The following MBD5 variants were observed in gnomAD, a reference collection of about 807,000 sequenced individuals.
MBD5 encodes the protein methyl-CpG binding domain protein 5, also known as methyl-CpG-binding domain protein 5.
In MBD5, 13 loss-of-function variants were observed where a neutral mutation model predicts 117.3. The observed-to-expected ratio is 0.11, with a 90% CI of 0.07 to 0.18. The LOEUF is 0.18. Among genes scored for constraint, MBD5 ranks in the 10% least tolerant of loss-of-function variants. The pLI is 1.00. For synonymous variants in MBD5, 727 were observed against 766.4 expected (o/e 0.95, Z 0.85); for missense variants, 1,879 against 2,093.8 (o/e 0.90, Z 2.00).
chr2:148,447,855 G>C (rs901561228), intron 4 of MBD5: 4 of 152,080 alleles, frequency 2.6e-5, no homozygotes, highest in African/African-American at 9.7e-5. Context: ...TGTAGGTAGG[G>C]TTTGGCCCAG....
At chr2:148,051,595 T>C (rs1694702575) in intron 1 of MBD5, among the ~76,000 whole-genome samples, 1 of 141,618 alleles carries the variant, frequency 7.1e-6, no homozygotes, top group African/African-American at 2.7e-5. Flanking sequence ...CCTTCTGTTC[T>C]GTTTGTTGAG....
chr2:148,373,869 T>G (rs1217105552), intron 4 of MBD5, among the ~76,000 whole-genome samples: 1 of 152,134 alleles, frequency 6.6e-6, no homozygotes, highest in Admixed American at 6.5e-5. Flanking sequence ...TTTCTTTCAG[T>G]GATGAATACA....
chr2:148,259,475 A>G (rs950145338), intron 3 of MBD5, among the ~76,000 whole-genome samples: 3 of 152,200 alleles, frequency 2.0e-5, no homozygotes, highest in Admixed American at 6.5e-5. Context: ...TGTTGTGGAT[A>G]CATGGCCGAC....
intron 3 of MBD5, among the ~76,000 whole-genome samples, chr2:148,282,549 A>G (rs1350343473): frequency 6.6e-6 from 1 of 151,706 alleles, no homozygotes; most frequent in Non-Finnish European, 1.5e-5. Context: ...AAAAATATGT[A>G]TATATATAAT....
At chr2:148,406,041 A>T (rs181482040) in intron 4 of MBD5, among the ~76,000 whole-genome samples, 1 of 152,258 alleles carries the variant, frequency 6.6e-6, no homozygotes, top group African/African-American at 2.4e-5. Flanking sequence ...ATTAATTAAT[A>T]AAAATTAGCC....
At chr2:148,079,835 C>T (rs919703703) in intron 1 of MBD5, among the ~76,000 whole-genome samples, 5 of 150,730 alleles carry the variant, frequency 3.3e-5, no homozygotes, top group Middle Eastern at 3.4e-3. Flanking sequence ...CCAGCCTAGG[C>T]GACAGAGGGA....
Position 148,485,847 on chromosome 2 carries a change from A to G in MBD5, c.3650A>G (p.Gln1217Arg), listed in dbSNP as rs1681321643. The change falls in exon 10 of 14, where the codon CAA (glutamine) becomes CGA (arginine). Residue 1217 changes from glutamine (Q) to arginine (R), a missense_variant. Around this residue, in one of 4 missense-constraint regions of MBD5, gnomAD observed 1,666 missense variants for 1,792.2 expected, o/e 0.93. Transcript: ENST00000642680. ...QMFPPNQQQQ[Q>R]LLQGYQNLQA... ...TTTCCTCCAAATCAGCAACAGCAGC[A>G]ACTTCTCCAGGGGTACCAGAATCTC... 1.9e-6 allele frequency: 3 copies of G among 1,614,178 alleles called. No homozygotes were observed. Among genetic ancestry groups the G allele is most frequent in the Non-Finnish European group, 8.5e-7 (1 of 1,180,008 alleles).
intron 3 of MBD5, among the ~76,000 whole-genome samples, chr2:148,314,269 A>C (rs564449877): frequency 1.3e-5 from 2 of 151,888 alleles, no homozygotes; most frequent in African/African-American, 4.8e-5. Context: ...GGCAAAAGGA[A>C]ATTTTTTTTT....
At chr2:148,379,284 C>T (rs1704069807) in intron 4 of MBD5, among the ~76,000 whole-genome samples, 1 of 151,806 alleles carries the variant, frequency 6.6e-6, no homozygotes, top group Admixed American at 6.6e-5. Context: ...CACAGATAAC[C>T]TGAAAAGAAA....
chr2:148,398,450 C>G (rs1374632579), intron 4 of MBD5, among the ~76,000 whole-genome samples: 1 of 152,052 alleles, frequency 6.6e-6, no homozygotes, highest in East Asian at 1.9e-4. Context: ...TAAATGTCTT[C>G]TTTTGAGAAG....
At chr2:148,488,942 TTAGTTAAGTGGAAACA>T (rs765701315) in intron 10 of MBD5, among the ~76,000 whole-genome samples, 17 of 152,196 alleles carry the variant, frequency 1.1e-4, no homozygotes, top group Non-Finnish European at 1.8e-4. Context: ...TGTATTTCAC[TTAGTTAAGTGGAAACA>T]TCAGTGAGTT....
intron 4 of MBD5, among the ~76,000 whole-genome samples, chr2:148,407,601 G>T (rs1705123313): frequency 6.6e-6 from 1 of 151,890 alleles, no homozygotes; most frequent in South Asian, 2.1e-4. Context: ...TAATATCCTG[G>T]ATTTCTTTTT....
intron 3 of MBD5, among the ~76,000 whole-genome samples, chr2:148,318,154 G>A (rs1469738399): frequency 3.9e-5 from 6 of 152,222 alleles, no homozygotes; most frequent in East Asian, 3.9e-4. Flanking sequence ...CCTTCTGACT[G>A]GTGTAAGATG....
Position 148,396,680 on chromosome 2 carries a change from A to G in MBD5, c.-557+54344A>G, listed in dbSNP as rs1367130041. 2.6e-5 allele frequency among the ~76,000 whole-genome samples: 4 copies of G among 152,264 alleles called. No homozygotes were observed. In the East Asian group the frequency reaches 5.8e-4, roughly 22 times the overall value. On this transcript the variant is annotated intron_variant, in intron 4 of 13. Coordinates refer to ENST00000642680, the MANE Select transcript of MBD5 (RefSeq NM_001378120.1). ...AGAGCTTTCTTGCCTTCTGGCTTCC[A>G]GTTGGGTTTGGCCCAATGAAAGGCA...
At chr2:148,446,216 G>T (rs1029065705) in intron 4 of MBD5, among the ~76,000 whole-genome samples, 1 of 151,998 alleles carries the variant, frequency 6.6e-6, no homozygotes, top group Non-Finnish European at 1.5e-5. Context: ...CCACGCCTAT[G>T]TCCTGAATGG....
intron 1 of MBD5, among the ~76,000 whole-genome samples, chr2:148,083,265 G>A (rs879411493): frequency 5.3e-5 from 8 of 152,164 alleles, no homozygotes; most frequent in Non-Finnish European, 8.8e-5. Context: ...TTTATAGATG[G>A]TTAATTGGTT....
At chr2:148,207,453 G>GAAA (rs781491765) in intron 2 of MBD5, among the ~76,000 whole-genome samples, 1 of 83,130 alleles carries the variant, frequency 1.2e-5, no homozygotes, top group Non-Finnish European at 3.2e-5. Flanking sequence ...AAAAAAAAAG[G>GAAA]ACAAAAAAAA....
chr2:148,295,709 C>A (rs1701631506), intron 3 of MBD5: 1 of 153,860 alleles, frequency 6.5e-6, no homozygotes. Flanking sequence ...TTAACTATTA[C>A]AATATAATGG....
At chr2:148,480,175 G>C (rs1169992894) in intron 8 of MBD5, among the ~76,000 whole-genome samples, 1 of 151,964 alleles carries the variant, frequency 6.6e-6, no homozygotes, top group Non-Finnish European at 1.5e-5. Context: ...CTACATTTAA[G>C]AAGCTTGTGT....
Sources: gnomAD v4.1 joint callset for allele counts (sites outside exome capture counted in the v4.1 genomes callset) on GRCh38, gnomAD v4.1.1 for gene constraint, gnomAD v4.1.1 regional missense constraint, MANE v1.5 for transcripts, NCBI Gene and HGNC (gene_info 2026-07-23, HGNC 2026-07-21) for gene names.